Variants in NAALADL2 observed in about 807,000 individuals in gnomAD.
The protein encoded by NAALADL2 is inactive N-acetylated-alpha-linked acidic dipeptidase-like protein 2.
In NAALADL2, 76 loss-of-function variants were observed where a neutral mutation model predicts 87.2. The ratio of observed to expected loss-of-function variants is 0.87; its 90% CI spans 0.72 to 1.05. The LOEUF (loss-of-function observed/expected upper bound fraction) is 1.05. NAALADL2 is among the 50% of genes least tolerant of loss of function. The pLI is 0.00. For missense variants in NAALADL2, 1,089 were observed against 945.8 expected, an observed-to-expected ratio of 1.15 and a Z score of -1.99; for synonymous variants, 354 against 331.0, an observed-to-expected ratio of 1.07 and a Z score of -0.75.
chr3:174,783,476 T>G (rs187398553), intron 3 of NAALADL2, among the ~76,000 whole-genome samples: 4 of 152,280 alleles, frequency 2.6e-5, no homozygotes, highest in Admixed American at 2.6e-4. Flanking sequence ...TTTGACCCTT[T>G]GCAGAGCTTC....
At chr3:174,648,290 T>A (rs1399376157) in intron 2 of NAALADL2, among the ~76,000 whole-genome samples, 2 of 150,558 alleles carry the variant, frequency 1.3e-5, no homozygotes, top group South Asian at 4.2e-4. Flanking sequence ...GCCATTGCAC[T>A]CCAGCCTGGG....
intron 1 of NAALADL2, among the ~76,000 whole-genome samples, chr3:175,034,171 T>C (rs974838062): frequency 2.0e-5 from 3 of 152,150 alleles, no homozygotes; most frequent in Non-Finnish European, 4.4e-5. Flanking sequence ...GTCTCCACCT[T>C]TGACACTCCA....
intron 2 of NAALADL2, among the ~76,000 whole-genome samples, chr3:174,686,999 A>C (rs780928517): frequency 1.2e-4 from 18 of 152,028 alleles, no homozygotes; most frequent in African/African-American, 1.7e-4. Context: ...ACATCAGGTC[A>C]TGTCACCTTT....
intron 1 of NAALADL2, among the ~76,000 whole-genome samples, chr3:174,915,717 A>G (rs147706819): frequency 6.8e-4 from 103 of 152,282 alleles, no homozygotes; most frequent in African/African-American, 2.4e-3. Context: ...TTTTCACCCA[A>G]TCAATCTTAC....
chr3:174,917,543 A>G (rs547709269), intron 1 of NAALADL2, among the ~76,000 whole-genome samples: 1 of 152,184 alleles, frequency 6.6e-6, no homozygotes, highest in East Asian at 1.9e-4. Context: ...GAATACTATT[A>G]TTTACTTGAA....
chr3:175,596,664 T>C (rs952963065), intron 10 of NAALADL2, among the ~76,000 whole-genome samples: 1 of 151,968 alleles, frequency 6.6e-6, no homozygotes, highest in Non-Finnish European at 1.5e-5. Flanking sequence ...ACTAATATTA[T>C]CAATTTGTTT....
At chr3:175,328,125 C>T (rs1760967726) in intron 5 of NAALADL2, among the ~76,000 whole-genome samples, 1 of 152,152 alleles carries the variant, frequency 6.6e-6, no homozygotes, top group African/African-American at 2.4e-5. Flanking sequence ...ACAGTGCAAA[C>T]TTGTGAAGGA....
chr3:175,631,870 T>A (rs1179193201), intron 11 of NAALADL2, among the ~76,000 whole-genome samples: 1 of 152,052 alleles, frequency 6.6e-6, no homozygotes, highest in African/African-American at 2.4e-5. Context: ...AACATTTATC[T>A]CCTAAATCGT....
intron 2 of NAALADL2, among the ~76,000 whole-genome samples, chr3:174,558,104 A>C (rs1438787488): frequency 6.6e-6 from 1 of 152,182 alleles, no homozygotes; most frequent in Admixed American, 6.5e-5. Context: ...GTTTAGGCAC[A>C]GTGAGCCCAC....
intron 1 of NAALADL2, among the ~76,000 whole-genome samples, chr3:175,043,734 A>G (rs1754354474): frequency 6.6e-6 from 1 of 152,042 alleles, no homozygotes; most frequent in East Asian, 1.9e-4. Context: ...CTGTTAGTCT[A>G]TGTGTCTGTA....
chr3:174,697,892 C>T (rs944062093), intron 2 of NAALADL2, among the ~76,000 whole-genome samples: 1 of 151,978 alleles, frequency 6.6e-6, no homozygotes, highest in African/African-American at 2.4e-5. Context: ...GAGATTGAGA[C>T]CATCCTGGCC....
intron 1 of NAALADL2, among the ~76,000 whole-genome samples, chr3:174,501,278 C>A (rs1448694258): frequency 6.9e-6 from 1 of 144,376 alleles, no homozygotes; most frequent in African/African-American, 2.9e-5. Context: ...CGGGGTTTCA[C>A]CGTTTTAGCC....
At chr3:175,070,995 T>G (rs1715527642) in intron 1 of NAALADL2, among the ~76,000 whole-genome samples, 1 of 152,014 alleles carries the variant, frequency 6.6e-6, no homozygotes, top group East Asian at 1.9e-4. Flanking sequence ...GATGTTCTAT[T>G]AGTAGGTTGA....
intron 10 of NAALADL2, among the ~76,000 whole-genome samples, chr3:175,577,683 A>G (rs186748033): frequency 1.6e-4 from 25 of 152,326 alleles, no homozygotes; most frequent in African/African-American, 5.8e-4. Flanking sequence ...TTATCTCCAA[A>G]AAAAGAATTA....
intron 1 of NAALADL2, among the ~76,000 whole-genome samples, chr3:174,996,673 G>A (rs1747507633): frequency 1.3e-5 from 2 of 152,092 alleles, no homozygotes; most frequent in Admixed American, 1.3e-4. Context: ...GGGGGTTCAA[G>A]TGGTTTTTGG....
At chr3:175,074,318 G>A (rs1716196497) in intron 1 of NAALADL2, among the ~76,000 whole-genome samples, 1 of 151,950 alleles carries the variant, frequency 6.6e-6, no homozygotes, top group Admixed American at 6.6e-5. Context: ...GATATATTTG[G>A]TGATATGTAA....
At chr3:175,593,058 T>C (rs181297433) in intron 10 of NAALADL2, among the ~76,000 whole-genome samples, 4 of 152,218 alleles carry the variant, frequency 2.6e-5, no homozygotes, top group Admixed American at 2.0e-4. Flanking sequence ...TGCAGGTCTG[T>C]TACATAGGTA....
At chr3:175,547,215 C>T (rs1478983382) in intron 9 of NAALADL2, among the ~76,000 whole-genome samples, 1 of 152,014 alleles carries the variant, frequency 6.6e-6, no homozygotes, top group Non-Finnish European at 1.5e-5. Flanking sequence ...GGTACAGAAA[C>T]AGACACATAG....
intron 5 of NAALADL2, among the ~76,000 whole-genome samples, chr3:175,393,317 T>A (rs1257242492): frequency 1.5e-3 from 118 of 78,186 alleles, no homozygotes; most frequent in Non-Finnish European, 1.8e-3. Context: ...AAAAAAAAAA[T>A]TGTAGAGTTG....
Sources: allele counts gnomAD v4.1 joint callset (sites outside exome capture counted in the v4.1 genomes callset), GRCh38; gene constraint gnomAD v4.1.1; transcripts MANE v1.5; gene names NCBI Gene and HGNC (gene_info 2026-07-23, HGNC 2026-07-21).